The following CSMD1 variants were observed in gnomAD, a reference collection of about 807,000 sequenced individuals.
CSMD1 encodes the protein CUB and Sushi multiple domains 1.
CSMD1 carries 213 observed loss-of-function variants against 417.5 expected under a neutral mutation model. The ratio of observed to expected loss-of-function variants is 0.51; its 90% CI spans 0.46 to 0.57. The LOEUF (loss-of-function observed/expected upper bound fraction) is 0.57, where lower values mean the gene tolerates loss of function less well. Ranked by LOEUF, CSMD1 falls within the 20% of genes least tolerant of loss-of-function variation. CSMD1 has a pLI of 0.00. For synonymous variants in CSMD1, 2,862 were observed against 1,736.8 expected (o/e 1.65, Z -16.11); for missense variants, 6,923 against 4,529.7 (o/e 1.53, Z -15.17).
chr8:3,114,936 CTCTG>C (rs540201747), intron 42 of CSMD1, among the ~76,000 whole-genome samples: 205 of 152,166 alleles, frequency 1.3e-3, no homozygotes, highest in African/African-American at 4.5e-3. Context: ...TAATAATTAT[CTCTG>C]TCTGTGCAAT....
chr8:4,423,573 T>C (rs549179227), intron 2 of CSMD1, among the ~76,000 whole-genome samples: 20 of 152,150 alleles, frequency 1.3e-4, no homozygotes, highest in African/African-American at 3.6e-4. Context: ...TGGACAGATA[T>C]ACCATGTTAA....
Position 4,892,663 on chromosome 8 carries a change from C to T in CSMD1, c.85+101669G>A, listed in dbSNP as rs560772089. On this transcript the variant is annotated intron_variant, in intron 1 of 69. Coordinates refer to ENST00000635120, the MANE Select transcript of CSMD1 (RefSeq NM_033225.6). ...ACTTTTGAGTGTTTTCTTCTTCAGA[C>T]TTATGTTTTCTATGCATTCATATAG... Among the ~76,000 whole-genome samples, 14 of 152,100 alleles carry T rather than the reference C, an allele frequency of 9.2e-5. 1 individual carries two copies. Among genetic ancestry groups the T allele is most frequent in the African/African-American group, 3.4e-4 (14 of 41,444 alleles).
At chr8:3,757,091 C>A (rs574897384) in intron 5 of CSMD1, among the ~76,000 whole-genome samples, 3 of 152,308 alleles carry the variant, frequency 2.0e-5, no homozygotes, top group African/African-American at 7.2e-5. Flanking sequence ...GCGTGAACCA[C>A]TGTGCCAGCC....
chr8:2,979,079 A>T (rs1316597403), intron 54 of CSMD1, among the ~76,000 whole-genome samples: 11 of 152,194 alleles, frequency 7.2e-5, no homozygotes, highest in African/African-American at 2.7e-4. Context: ...TTCTGAAGTT[A>T]GTTTCCTTGG....
chr8:3,142,720 A>T, intron 40 of CSMD1, 46 bp from the exon 41 acceptor site: 2 of 1,428,008 alleles, frequency 1.4e-6, no homozygotes, highest in Non-Finnish European at 2.0e-6. Context: ...ATCAAAATGT[A>T]TAAAATCAAT....
chr8:4,423,234 T>C (rs1440415598), intron 2 of CSMD1, among the ~76,000 whole-genome samples: 2 of 152,004 alleles, frequency 1.3e-5, no homozygotes, highest in East Asian at 3.9e-4. Context: ...GAAAAGAAAA[T>C]ATATGCGTAT....
intron 3 of CSMD1, among the ~76,000 whole-genome samples, chr8:4,284,575 C>G (rs1450982334): frequency 6.6e-6 from 1 of 152,108 alleles, no homozygotes; most frequent in Admixed American, 6.5e-5. Context: ...ATTGGGCAGT[C>G]TAAGCAAAAT....
At chr8:3,722,879 G>C (rs1421458231) in intron 6 of CSMD1, among the ~76,000 whole-genome samples, 3 of 150,498 alleles carry the variant, frequency 2.0e-5, no homozygotes. Context: ...CTTTTTCATG[G>C]AACACCATTT....
intron 1 of CSMD1, among the ~76,000 whole-genome samples, chr8:4,977,591 T>C (rs1035151522): frequency 1.3e-5 from 2 of 152,166 alleles, no homozygotes; most frequent in African/African-American, 4.8e-5. Flanking sequence ...TGGATCTCAC[T>C]GAAATCACTC....
intron 1 of CSMD1, among the ~76,000 whole-genome samples, chr8:4,707,263 A>T (rs765186309): frequency 6.6e-6 from 1 of 152,222 alleles, no homozygotes; most frequent in Non-Finnish European, 1.5e-5. Flanking sequence ...CCTAGGAGGT[A>T]AGGAATATTA....
intron 1 of CSMD1, among the ~76,000 whole-genome samples, chr8:4,960,720 T>G (rs982215363): frequency 6.6e-6 from 1 of 152,166 alleles, no homozygotes; most frequent in African/African-American, 2.4e-5. Context: ...TCCGGTAGTT[T>G]CCTAAAAATA....
At chr8:4,618,203 C>T (rs1481248658) in intron 2 of CSMD1, among the ~76,000 whole-genome samples, 2 of 152,084 alleles carry the variant, frequency 1.3e-5, no homozygotes, top group Non-Finnish European at 2.9e-5. Context: ...AACAATTTCC[C>T]CCATCTGGAA....
intron 7 of CSMD1, among the ~76,000 whole-genome samples, chr8:3,642,912 A>T (rs762746078): frequency 1.3e-5 from 2 of 152,014 alleles, no homozygotes; most frequent in Non-Finnish European, 2.9e-5. Flanking sequence ...TATATAATGT[A>T]ACTTTCTGAA....
At chr8:4,856,356 A>G (rs1229764415) in intron 1 of CSMD1, among the ~76,000 whole-genome samples, 1 of 146,000 alleles carries the variant, frequency 6.8e-6, no homozygotes, top group African/African-American at 2.6e-5. Context: ...AACTGCATCA[A>G]CTAACGAGCA....
intron 3 of CSMD1, among the ~76,000 whole-genome samples, chr8:4,114,341 G>T (rs529700040): frequency 6.6e-6 from 1 of 152,266 alleles, no homozygotes; most frequent in South Asian, 2.1e-4. Context: ...TTTACAGCAC[G>T]GTTAATGCAG....
At chr8:4,487,189 T>C (rs1169843724) in intron 2 of CSMD1, among the ~76,000 whole-genome samples, 1 of 152,194 alleles carries the variant, frequency 6.6e-6, no homozygotes, top group Non-Finnish European at 1.5e-5. Context: ...ATTATTATTA[T>C]ACTTTAAGTT....
chr8:4,328,708 C>G (rs1432726892), intron 3 of CSMD1, among the ~76,000 whole-genome samples: 8 of 152,146 alleles, frequency 5.3e-5, no homozygotes, highest in African/African-American at 1.7e-4. Context: ...GCTTTATTAG[C>G]TATACTATGG....
chr8:4,115,700 G>A (rs1343473611), intron 3 of CSMD1, among the ~76,000 whole-genome samples: 1 of 152,116 alleles, frequency 6.6e-6, no homozygotes, highest in African/African-American at 2.4e-5. Flanking sequence ...CCTGTAAGAG[G>A]TGAGTGAATA....
intron 8 of CSMD1, among the ~76,000 whole-genome samples, chr8:3,586,802 T>C (rs1455270709): frequency 6.6e-6 from 1 of 152,214 alleles, no homozygotes; most frequent in Non-Finnish European, 1.5e-5. Context: ...TTTTGTTTGT[T>C]TGTTTGTTTT....
Sources: allele counts gnomAD v4.1 joint callset (sites outside exome capture counted in the v4.1 genomes callset), GRCh38; gene constraint gnomAD v4.1.1; transcripts MANE v1.5; gene names NCBI Gene and HGNC (gene_info 2026-07-23, HGNC 2026-07-21).